Variants in ACACB observed in about 807,000 individuals in gnomAD.
ACACB encodes acetyl-CoA carboxylase beta, also known as acetyl-CoA carboxylase 2.
In ACACB, 209 loss-of-function variants were observed where a neutral mutation model predicts 278.8. The observed-to-expected ratio is 0.75, with a 90% confidence interval of 0.67 to 0.84. The LOEUF (loss-of-function observed/expected upper bound fraction) is 0.84, where lower values mean the gene tolerates loss of function less well. Among genes scored for constraint, ACACB ranks in the 40% least tolerant of loss-of-function variants. The pLI is 0.00. For missense variants in ACACB, 2,850 were observed against 3,269.0 expected (o/e 0.87, Z 3.13); for synonymous variants, 1,174 against 1,285.6 (o/e 0.91, Z 1.86).
upstream of ACACB, among the ~76,000 whole-genome samples, chr12:109,115,753 A>T (rs1453242247): frequency 6.6e-6 from 1 of 152,256 alleles, no homozygotes; most frequent in Non-Finnish European, 1.5e-5. Context: ...GTAGCTGTGA[A>T]CAGGCTGCAC....
intron 2 of ACACB, among the ~76,000 whole-genome samples, chr12:109,144,831 G>T (rs984826223): frequency 7.7e-6 from 1 of 130,590 alleles, no homozygotes; most frequent in Non-Finnish European, 1.5e-5. Context: ...GCACAATCTC[G>T]GCTCACTGCA....
At chr12:109,188,217 CCT>C in intron 13 of ACACB, 55 bp downstream of exon 13, 28 of 1,437,942 alleles carry the variant, frequency 1.9e-5, no homozygotes, top group Middle Eastern at 1.9e-4. Context: ...TTCCTTCCTT[CCT>C]TCCTTCCTTC....
intron 20 of ACACB, among the ~76,000 whole-genome samples, chr12:109,208,849 C>T (rs916294602): frequency 1.3e-5 from 2 of 152,192 alleles, no homozygotes; most frequent in Non-Finnish European, 2.9e-5. Context: ...GTTCCTAGAA[C>T]ACTGTCTGGC....
chr12:109,138,691 C>T (rs190868517), intron 1 of ACACB, among the ~76,000 whole-genome samples: 1 of 152,056 alleles, frequency 6.6e-6, no homozygotes, highest in East Asian at 1.9e-4. Context: ...ATTCTGTCTC[C>T]ACAAAAATAC....
intron 19 of ACACB, 92 bp from the exon 20 acceptor site, chr12:109,206,618 G>A: frequency 6.9e-7 from 1 of 1,456,416 alleles, no homozygotes; most frequent in South Asian, 1.3e-5. Flanking sequence ...GATTACGGAA[G>A]CCGGCAGATC....
intron 4 of ACACB, among the ~76,000 whole-genome samples, chr12:109,170,219 C>G (rs2044065951): frequency 6.6e-6 from 1 of 152,042 alleles, no homozygotes; most frequent in African/African-American, 2.4e-5. Flanking sequence ...CATGTACCAC[C>G]ACGACTGGCT....
chr12:109,194,512 A>ATGTGTGTG (rs370227666), intron 16 of ACACB, among the ~76,000 whole-genome samples: 900 of 88,728 alleles, frequency 0.01, 13 homozygotes, highest in African/African-American at 0.029. Context: ...CTGTGTGTGC[A>ATGTGTGTG]TGTGTGTGTG....
rs75144302 is a variant in ACACB at position 109,190,233 on chromosome 12, C to A, written c.2145-1380C>A. 6.2e-3 allele frequency among the ~76,000 whole-genome samples: 937 copies of A among 152,296 alleles called. 11 individuals carry two copies. The highest frequency in any genetic ancestry group is 0.021 in the African/African-American group (891 of 41,574). On this transcript the variant is annotated intron_variant, in intron 13 of 52. Coordinates refer to ENST00000338432, the MANE Select transcript of ACACB (RefSeq NM_001093.4). ...CTTCCCGAGTAGCTGGGACTATAGG[C>A]GCGTCCCACCACGCCCGGCTAGTTT...
intron 1 of ACACB, among the ~76,000 whole-genome samples, chr12:109,129,711 C>T (rs2042775155): frequency 6.6e-6 from 1 of 152,178 alleles, no homozygotes; most frequent in Non-Finnish European, 1.5e-5. Flanking sequence ...CCCCTCTGCC[C>T]CCCAAAAGCA....
chr12:109,197,765 C>A (rs1284032743), intron 17 of ACACB, among the ~76,000 whole-genome samples: 3 of 152,096 alleles, frequency 2.0e-5, no homozygotes, highest in Non-Finnish European at 4.4e-5. Flanking sequence ...ATGAAACAGA[C>A]CCCAGCCAAG....
intron 35 of ACACB, 51 bp downstream of exon 35, chr12:109,240,036 G>A: frequency 4.4e-6 from 7 of 1,586,862 alleles, no homozygotes; most frequent in Non-Finnish European, 6.0e-6. Flanking sequence ...CACCCTCTGA[G>A]CCATGCTGCT....
At chr12:109,223,399 T>G (rs2046231098) in intron 26 of ACACB, among the ~76,000 whole-genome samples, 1 of 152,118 alleles carries the variant, frequency 6.6e-6, no homozygotes, top group Non-Finnish European at 1.5e-5. Context: ...CTGATCGCTT[T>G]TAGTGGTCAA....
chr12:109,159,938 A>G (rs562786142), intron 2 of ACACB, among the ~76,000 whole-genome samples: 6 of 151,970 alleles, frequency 3.9e-5, no homozygotes, highest in Non-Finnish European at 8.8e-5. Flanking sequence ...AAAAATACAA[A>G]AATTAGCCAG....
chr12:109,143,462 C>CAA (rs10696128), intron 2 of ACACB, among the ~76,000 whole-genome samples: 46,770 of 102,436 alleles, frequency 0.46, 11,469 homozygotes, highest in Non-Finnish European at 0.57. Flanking sequence ...GACCCTGTCT[C>CAA]AAAAAAAAAA....
intron 21 of ACACB, among the ~76,000 whole-genome samples, chr12:109,210,201 A>ATATATACACACGTGTG (rs1565927021): frequency 0.041 from 556 of 13,528 alleles, 39 homozygotes; most frequent in Middle Eastern, 0.071. Flanking sequence ...GTGTATATGT[A>ATATATACACACGTGTG]TATATGTATA....
At chr12:109,225,223 G>A (rs958222187) in intron 27 of ACACB, among the ~76,000 whole-genome samples, 3 of 152,176 alleles carry the variant, frequency 2.0e-5, no homozygotes, top group South Asian at 2.1e-4. Flanking sequence ...GAACTGCTAC[G>A]CTCAAGCGAT....
intron 1 of ACACB, among the ~76,000 whole-genome samples, chr12:109,139,184 C>G (rs2043039135): frequency 6.6e-6 from 1 of 152,044 alleles, no homozygotes; most frequent in Non-Finnish European, 1.5e-5. Context: ...AAGGTTCTTC[C>G]TTGAACCTTG....
At chr12:109,258,746 G>A (rs1258792808) in intron 46 of ACACB, among the ~76,000 whole-genome samples, 1 of 152,126 alleles carries the variant, frequency 6.6e-6, no homozygotes, top group East Asian at 1.9e-4. Context: ...GGCACCCCTC[G>A]GAGCCTGTAA....
chr12:109,226,553 G>A (rs945390992), intron 27 of ACACB, among the ~76,000 whole-genome samples: 3 of 151,990 alleles, frequency 2.0e-5, no homozygotes, highest in Non-Finnish European at 2.9e-5. Flanking sequence ...TACAAAATTA[G>A]CCAGGCATGG....
Sources: allele counts gnomAD v4.1 joint callset (sites outside exome capture counted in the v4.1 genomes callset), GRCh38; gene constraint gnomAD v4.1.1; transcripts MANE v1.5; gene names NCBI Gene and HGNC (gene_info 2026-07-23, HGNC 2026-07-21).